PDE1C: variants seen among roughly 807,000 people sequenced by gnomAD.
The protein encoded by PDE1C is phosphodiesterase 1C, also known as dual specificity calcium/calmodulin-dependent 3',5'-cyclic nucleotide phosphodiesterase 1C.
Under a neutral mutation model 93.1 loss-of-function variants are expected in PDE1C, and 62 were observed. The ratio of observed to expected loss-of-function variants is 0.67; its 90% CI spans 0.54 to 0.82. PDE1C has a LOEUF of 0.82. Among genes scored for constraint, PDE1C ranks in the 40% least tolerant of loss-of-function variants. The pLI, the probability that PDE1C is intolerant of heterozygous loss-of-function variation, is 0.00. For synonymous variants in PDE1C, 325 were observed against 310.1 expected (o/e 1.05, Z -0.50); for missense variants, 742 against 884.6 (o/e 0.84, Z 2.04).
intron 2 of PDE1C, among the ~76,000 whole-genome samples, chr7:31,884,393 G>T (rs568747103): frequency 1.3e-5 from 2 of 151,880 alleles, no homozygotes; most frequent in Middle Eastern, 3.2e-3. Context: ...AAAGGTAAAA[G>T]CCCAAATCAA....
chr7:31,791,044 T>C (rs1285343391), intron 16 of PDE1C, among the ~76,000 whole-genome samples: 2 of 152,092 alleles, frequency 1.3e-5, no homozygotes, highest in Non-Finnish European at 2.9e-5. Flanking sequence ...GCTTGGACTT[T>C]AAGAAGGGTA....
upstream of PDE1C, among the ~76,000 whole-genome samples, chr7:32,073,321 T>C (rs1314773858): frequency 1.3e-5 from 2 of 152,222 alleles, no homozygotes; most frequent in Admixed American, 6.5e-5. Context: ...AAATATAACT[T>C]TGCTTTATCT....
chr7:31,803,511 G>A (rs548736634), intron 16 of PDE1C, among the ~76,000 whole-genome samples: 20 of 151,812 alleles, frequency 1.3e-4, no homozygotes, highest in African/African-American at 3.6e-4. Flanking sequence ...CCATTAACTC[G>A]TCGTTTAGCA....
At chr7:32,074,483 G>C (rs59672984), upstream of PDE1C, among the ~76,000 whole-genome samples, 11,028 of 152,218 alleles carry the variant, frequency 0.072, 433 homozygotes, top group African/African-American at 0.092. Flanking sequence ...GATAACTTCT[G>C]CAAAGACATA....
At chr7:32,196,200 A>T (rs1392029589) in intron 2 of PDE1C, among the ~76,000 whole-genome samples, 3 of 152,178 alleles carry the variant, frequency 2.0e-5, no homozygotes, top group Non-Finnish European at 1.5e-5. Context: ...ACCTTGTTAC[A>T]GCCTTGTGAG....
intron 1 of PDE1C, among the ~76,000 whole-genome samples, chr7:32,327,043 C>A: frequency 6.6e-6 from 1 of 152,140 alleles, no homozygotes; most frequent in East Asian, 1.9e-4. Context: ...ATCTTCATTC[C>A]TACTTAGCCT....
the PDE1C span, among the ~76,000 whole-genome samples, chr7:31,669,979 A>G: frequency 8.5e-5 from 13 of 152,330 alleles, no homozygotes; most frequent in Non-Finnish European, 1.6e-4. Flanking sequence ...TCTGACTCTC[A>G]TCTAGGACTC....
At chr7:31,897,611 T>G (rs754493248) in intron 2 of PDE1C, among the ~76,000 whole-genome samples, 1 of 152,178 alleles carries the variant, frequency 6.6e-6, no homozygotes, top group Non-Finnish European at 1.5e-5. Context: ...CCCTTTTGTC[T>G]CTGAATACTA....
chr7:31,914,370 GA>G (rs1482959350), intron 2 of PDE1C, among the ~76,000 whole-genome samples: 1 of 152,152 alleles, frequency 6.6e-6, no homozygotes, highest in Admixed American at 6.6e-5. Context: ...GAAGTTCCGA[GA>G]AGAACTTAGT....
At chr7:32,205,144 GC>G (rs1805338543) in intron 2 of PDE1C, among the ~76,000 whole-genome samples, 1 of 152,190 alleles carries the variant, frequency 6.6e-6, no homozygotes, top group Non-Finnish European at 1.5e-5. Context: ...CACCTCTGCT[GC>G]CCCAGCTTCA....
At chr7:32,088,780 C>T (rs1417182200) in intron 3 of PDE1C, among the ~76,000 whole-genome samples, 1 of 152,012 alleles carries the variant, frequency 6.6e-6, no homozygotes, top group Non-Finnish European at 1.5e-5. Context: ...AGAAGCAGTG[C>T]GGAGAAGAGG....
chr7:32,374,418 AG>A (rs1456016795), intron 1 of PDE1C, among the ~76,000 whole-genome samples: 1 of 152,236 alleles, frequency 6.6e-6, no homozygotes, highest in Non-Finnish European at 1.5e-5. Flanking sequence ...CCAGGGCTAG[AG>A]AAAAGGCAAT....
chr7:32,221,830 C>T (rs768593814), intron 1 of PDE1C, among the ~76,000 whole-genome samples: 8 of 152,110 alleles, frequency 5.3e-5, no homozygotes, highest in Non-Finnish European at 2.9e-5. Context: ...GAAGGCATAT[C>T]CAATGCAGAG....
intron 3 of PDE1C, among the ~76,000 whole-genome samples, chr7:32,163,249 C>G (rs780654705): frequency 6.6e-6 from 1 of 152,042 alleles, no homozygotes; most frequent in East Asian, 1.9e-4. Flanking sequence ...AGGGCGGGGC[C>G]GAAGCTCCAG....
intron 1 of PDE1C, among the ~76,000 whole-genome samples, chr7:32,380,259 A>T (rs1385798528): frequency 6.7e-6 from 1 of 150,274 alleles, no homozygotes; most frequent in African/African-American, 2.5e-5. Flanking sequence ...TTTTTTTGAG[A>T]TGGAGCCTCG....
At chr7:32,349,477 T>C (rs865878466) in intron 1 of PDE1C, among the ~76,000 whole-genome samples, 1 of 152,238 alleles carries the variant, frequency 6.6e-6, no homozygotes, top group African/African-American at 2.4e-5. Flanking sequence ...TTAAATTCAC[T>C]TGGAAACGTG....
the PDE1C span, chr7:31,651,956 T>C: frequency 6.3e-7 from 1 of 1,599,248 alleles, no homozygotes; most frequent in Admixed American, 1.7e-5. Context: ...GCCGAGCAAC[T>C]GCAAACGTTA....
rs180946573 is a variant in PDE1C at position 31,880,485 on chromosome 7, T to C, written c.242+262A>G. On this transcript the variant is annotated intron_variant, in intron 3 of 17. Transcript: ENST00000396191. ...AAAATCTTAGTGGATTTTTAAAAATTCGTTTTTCTCCTCTTTCATGATCTC... is the reference window on the plus strand; with the variant it reads ...AAAATCTTAGTGGATTTTTAAAAATCCGTTTTTCTCCTCTTTCATGATCTC... Among the ~76,000 whole-genome samples the C allele has an allele frequency of 5.3e-5, 8 of 152,328 alleles. 1 individual carries two copies. The East Asian group carries it at 1.2e-3, about 22-fold the overall frequency.
At chr7:31,899,032 C>T (rs940315967) in intron 2 of PDE1C, among the ~76,000 whole-genome samples, 2 of 151,732 alleles carry the variant, frequency 1.3e-5, no homozygotes, top group Admixed American at 6.6e-5. Flanking sequence ...CTGCCTCTGT[C>T]TGAAGCGCTC....
Sources: allele counts gnomAD v4.1 joint callset (sites outside exome capture counted in the v4.1 genomes callset), GRCh38; gene constraint gnomAD v4.1.1; transcripts MANE v1.5; gene names NCBI Gene and HGNC (gene_info 2026-07-23, HGNC 2026-07-21).